Variants in NSD3 observed in about 807,000 individuals in gnomAD.
NSD3 encodes nuclear receptor binding SET domain protein 3.
In NSD3, 24 loss-of-function variants were observed where a neutral mutation model predicts 160.8. The observed-to-expected ratio is 0.15, with a 90% CI of 0.11 to 0.21. The LOEUF (loss-of-function observed/expected upper bound fraction) is 0.21, where lower values mean the gene tolerates loss of function less well. Ranked by LOEUF, NSD3 falls within the 10% of genes least tolerant of loss-of-function variation. The probability of loss-of-function intolerance (pLI) is 1.00; values close to 1 mark genes in which losing one functional copy is unlikely to be tolerated. For missense variants in NSD3, 1,157 were observed against 1,735.9 expected (o/e 0.67, Z 5.93); for synonymous variants, 520 against 600.0 (o/e 0.87, Z 1.95).
chr8:38,338,482 G>T, intron 3 of NSD3, 54 bp downstream of exon 3: 1 of 1,415,740 alleles, frequency 7.1e-7, no homozygotes, highest in Non-Finnish European at 1.0e-6. Context: ...CAATCACTGT[G>T]TTTCACCTTC....
At chr8:38,292,515 T>G (rs1809021082) in intron 16 of NSD3, among the ~76,000 whole-genome samples, 1 of 151,448 alleles carries the variant, frequency 6.6e-6, no homozygotes, top group Non-Finnish European at 1.5e-5. Flanking sequence ...AGGCACGGTG[T>G]CTCACGCCTG....
chr8:38,304,547 T>G, intron 14 of NSD3, 40 bp downstream of exon 14: 1 of 1,580,626 alleles, frequency 6.3e-7, no homozygotes, highest in South Asian at 1.2e-5. Context: ...AATATGCCAA[T>G]GACCTCAAAA....
chr8:38,271,851 T>C lies in NSD3; in HGVS notation c.*3790A>G, dbSNP rs1808491703. On this transcript the variant is annotated 3_prime_UTR_variant, in exon 24 of 24. Coordinates refer to ENST00000317025, the MANE Select transcript of NSD3 (RefSeq NM_023034.2). ...CTTATCTTGTTAAGAGGACATGGCA[T>C]GTGGCAGCCAACACCTTGACTTCAA... The C allele has an allele frequency of 6.6e-6, 1 of 152,214 alleles. No individual in the cohort carries two copies. The highest frequency in any genetic ancestry group is 2.4e-5 in the African/African-American group (1 of 41,452). 9.4% of individuals were successfully genotyped at this position (152,214 alleles called of 1,614,324 possible). A position where few individuals can be genotyped will look rare whatever the true frequency, so the allele number is the denominator to read the frequency against.
chr8:38,326,580 T>C, intron 7 of NSD3, 150 bp downstream of exon 7: 1 of 943,274 alleles, frequency 1.1e-6, no homozygotes, highest in African/African-American at 1.7e-5. Flanking sequence ...CCCACTTTCC[T>C]ATTAAAGTAA....
intron 16 of NSD3, among the ~76,000 whole-genome samples, chr8:38,292,054 C>G (rs199675065): frequency 1.3e-5 from 2 of 151,872 alleles, no homozygotes; most frequent in Admixed American, 6.5e-5. Context: ...TAAAATAAAT[C>G]AAAGACATTT....
Position 38,270,157 on chromosome 8 carries a change from G to T in NSD3, c.*5484C>A, listed in dbSNP as rs1281376739. ...AATCCCTTAGTGTCAAGAGCTTCTA[G>T]CCAAGTCACAGAAACTCAAAAGAGA... On this transcript the variant is annotated 3_prime_UTR_variant, in exon 24 of 24. Transcript: ENST00000317025. 6.6e-6 allele frequency: 1 copy of T among 152,180 alleles called. No homozygotes were observed. Among genetic ancestry groups the T allele is most frequent in the African/African-American group, 2.4e-5 (1 of 41,434 alleles). 9.4% of individuals were successfully genotyped at this position (152,180 alleles called of 1,614,324 possible). A position where few individuals can be genotyped will look rare whatever the true frequency, so the allele number is the denominator to read the frequency against.
At chr8:38,356,201 T>C (rs908566816) in intron 1 of NSD3, among the ~76,000 whole-genome samples, 1 of 152,220 alleles carries the variant, frequency 6.6e-6, no homozygotes. Flanking sequence ...TCTAGGCTAA[T>C]TTTTTAAAAA....
At chr8:38,298,526 C>A (rs1032114074) in intron 15 of NSD3, among the ~76,000 whole-genome samples, 1 of 151,484 alleles carries the variant, frequency 6.6e-6, no homozygotes, top group African/African-American at 2.4e-5. Context: ...TTCAAATACA[C>A]CTACTGTGTG....
In NSD3 at chr8:38,317,818, C is replaced by A; in HGVS notation, c.1855+1077G>T. 1 of 1,466,778 alleles carries A rather than the reference C, an allele frequency of 6.8e-7. No homozygotes were observed. Among genetic ancestry groups the A allele is most frequent in the South Asian group, 1.4e-5 (1 of 70,132 alleles). 90.9% of individuals were successfully genotyped at this position (1,466,778 alleles called of 1,614,324 possible). A position where few individuals can be genotyped will look rare whatever the true frequency, so the allele number is the denominator to read the frequency against. ...TTGTTCAGAGTCTTGAAGAAGAAAC[C>A]AGGCAGGAAAATGCCAATAATGATG... On this transcript the variant is annotated intron_variant, in intron 9 of 23. Coordinates refer to ENST00000317025, the MANE Select transcript of NSD3 (RefSeq NM_023034.2). This position sits in a 1 kb window ranked among gnomAD's most constrained non-coding sequence, Gnocchi z 5.3.
chr8:38,348,188 C>T lies in NSD3; in HGVS notation c.-17G>A, dbSNP rs1265851258. Reference sequence around the variant, plus strand: ...GAAATCCATTGTTCTGCTCCAGCATCCTTAACTTTCCCTTTCTCTCATCGG... The same window carrying T: ...GAAATCCATTGTTCTGCTCCAGCATTCTTAACTTTCCCTTTCTCTCATCGG... On this transcript the variant is annotated 5_prime_UTR_variant, in exon 2 of 24. Transcript: ENST00000317025. 1 of 1,539,032 alleles carries T rather than the reference C, an allele frequency of 6.5e-7. No individual in the cohort carries two copies. Among genetic ancestry groups the T allele is most frequent in the South Asian group, 1.3e-5 (1 of 77,906 alleles).
At chr8:38,370,872 G>C (rs1811230064) in intron 1 of NSD3, among the ~76,000 whole-genome samples, 1 of 151,940 alleles carries the variant, frequency 6.6e-6, no homozygotes, top group Non-Finnish European at 1.5e-5. Flanking sequence ...TGTATCAAAA[G>C]CTTTCAAAAT....
At chr8:38,328,569 CCT>C (rs748715148) in intron 6 of NSD3, among the ~76,000 whole-genome samples, 1 of 152,096 alleles carries the variant, frequency 6.6e-6, no homozygotes, top group South Asian at 2.1e-4. Flanking sequence ...TAAGCATTCC[CCT>C]GTTTAACTAA....
chr8:38,297,068 A>C (rs988856721), intron 15 of NSD3, among the ~76,000 whole-genome samples: 7 of 152,224 alleles, frequency 4.6e-5, no homozygotes, highest in African/African-American at 1.4e-4. Flanking sequence ...ATTTTCTGAA[A>C]TATTAAACAT....
Position 38,269,756 on chromosome 8 carries a change from T to C in NSD3, c.*5885A>G, listed in dbSNP as rs1337058113. 1.3e-5 allele frequency: 2 copies of C among 152,558 alleles called. No individual in the cohort carries two copies. Among genetic ancestry groups the C allele is most frequent in the African/African-American group, 2.4e-5 (1 of 41,482 alleles). The allele number at this position is 152,558 out of a possible 1,614,324, so 9.5% of individuals were successfully genotyped here. ...AGTCAATCTCAAGCAAAATCTGAAA[T>C]CAGTGGAATGTCATTAAAAACCTTT... On this transcript the variant is annotated 3_prime_UTR_variant, in exon 24 of 24. Transcript: ENST00000317025.
At chr8:38,357,152 A>G (rs1392902686) in intron 1 of NSD3, among the ~76,000 whole-genome samples, 2 of 149,266 alleles carry the variant, frequency 1.3e-5, no homozygotes. Flanking sequence ...AAAAATCCTT[A>G]CATTGATATC....
intron 2 of NSD3, among the ~76,000 whole-genome samples, chr8:38,340,849 GA>G (rs1328138148): frequency 6.6e-6 from 1 of 152,116 alleles, no homozygotes; most frequent in East Asian, 1.9e-4. Context: ...TTAAAAAACA[GA>G]AACACAAACA....
At chr8:38,291,777 T>A (rs148509231) in intron 16 of NSD3, among the ~76,000 whole-genome samples, 2 of 152,348 alleles carry the variant, frequency 1.3e-5, no homozygotes, top group Non-Finnish European at 2.9e-5. Context: ...AAGAGTCACA[T>A]GTTCTGCCTG....
chr8:38,370,482 G>A (rs184067020), intron 1 of NSD3, among the ~76,000 whole-genome samples: 157 of 150,538 alleles, frequency 1.0e-3, no homozygotes, highest in African/African-American at 3.5e-3. Context: ...TGTTTAATCA[G>A]CTTAAGCTTA....
intron 1 of NSD3, among the ~76,000 whole-genome samples, chr8:38,362,652 A>AC (rs1428141960): frequency 1.3e-5 from 2 of 152,198 alleles, no homozygotes; most frequent in Admixed American, 6.5e-5. Context: ...TTACATAACC[A>AC]CATTAAATAT....
Sources: gnomAD v4.1 joint callset for allele counts (sites outside exome capture counted in the v4.1 genomes callset) on GRCh38, gnomAD v4.1.1 for gene constraint, Gnocchi (gnomAD v3.1) non-coding constraint, MANE v1.5 for transcripts, NCBI Gene and HGNC (gene_info 2026-07-23, HGNC 2026-07-21) for gene names.